The following YPEL2 variants were observed in gnomAD, a reference collection of about 807,000 sequenced individuals.
YPEL2 encodes the protein yippee like 2, also known as protein yippee-like 2.
A neutral mutation model predicts 19.1 loss-of-function variants in YPEL2; 2 were observed. The observed-to-expected ratio is 0.10, with a 90% CI of 0.04 to 0.33. The LOEUF is 0.33. YPEL2 is among the 10% of genes least tolerant of loss of function. The pLI is 1.00. For synonymous variants in YPEL2, 52 were observed against 50.0 expected (o/e 1.04, Z -0.17); for missense variants, 66 against 140.7 (o/e 0.47, Z 2.68).
chr17:59,333,903 C>T (rs2047684982), intron 1 of YPEL2, among the ~76,000 whole-genome samples: 1 of 152,174 alleles, frequency 6.6e-6, no homozygotes, highest in Admixed American at 6.5e-5. Flanking sequence ...GAACTGGAGG[C>T]AGTGAACAAT....
chr17:59,355,513 C>T lies in YPEL2; in HGVS notation c.117+1987C>T, dbSNP rs139680792. 9 of 152,326 alleles carry T rather than the reference C, an allele frequency of 5.9e-5. No homozygotes were observed. In the East Asian group the frequency reaches 1.7e-3, roughly 29 times the overall value. 9.4% of individuals were successfully genotyped at this position (152,326 alleles called of 1,614,324 possible). On this transcript the variant is annotated intron_variant, in intron 2 of 4. Transcript: ENST00000312655. ...AGCCACTTGGAACCAAGCCACATCGCCTGAATATGCAGGTATGGGTGTTTC... is the reference window on the plus strand; with the variant it reads ...AGCCACTTGGAACCAAGCCACATCGTCTGAATATGCAGGTATGGGTGTTTC...
Position 59,400,100 on chromosome 17 carries a change from G to A in YPEL2, c.*2910G>A, listed in dbSNP as rs1268198274. ...TAGACCCAGACCCCTCGGGACCCGG[G>A]ACATTAGTCTCAGGCTGCTGATGGA... is the stretch of plus-strand genomic sequence containing the variant. On this transcript the variant is annotated 3_prime_UTR_variant, in exon 5 of 5. Transcript: ENST00000312655. 6.6e-6 allele frequency: 1 copy of A among 152,602 alleles called. No individual in the cohort carries two copies. The highest frequency in any genetic ancestry group is 1.5e-5 in the Non-Finnish European group (1 of 68,086). The allele number at this position is 152,602 out of a possible 1,614,324, so 9.5% of individuals were successfully genotyped here. A position where few individuals can be genotyped will look rare whatever the true frequency, so the allele number is the denominator to read the frequency against.
At chr17:59,354,703 C>G (rs1485448170) in intron 2 of YPEL2, 1 of 152,240 alleles carries the variant, frequency 6.6e-6, no homozygotes, top group Non-Finnish European at 1.5e-5. Context: ...GAGCTTGAAG[C>G]GTACAGCCCC....
chr17:59,345,456 C>T (rs1277570711), intron 1 of YPEL2, among the ~76,000 whole-genome samples: 1 of 152,096 alleles, frequency 6.6e-6, no homozygotes, highest in African/African-American at 2.4e-5. Context: ...TCCTTGGCAG[C>T]TTTAATAGAC....
At chr17:59,395,806 C>T (rs1478356216) in intron 4 of YPEL2, among the ~76,000 whole-genome samples, 3 of 152,156 alleles carry the variant, frequency 2.0e-5, no homozygotes, top group African/African-American at 4.8e-5. Context: ...CGTCCGGGCG[C>T]GGTGGCTCAC....
chr17:59,373,355 T>C (rs1371522337), intron 2 of YPEL2, among the ~76,000 whole-genome samples: 3 of 152,178 alleles, frequency 2.0e-5, no homozygotes, highest in Non-Finnish European at 4.4e-5. Context: ...TTCTGCTGGC[T>C]TTCAAGGCCT....
rs538251007 is a variant in YPEL2, at chr17:59,353,595, G to A, written c.117+69G>A. 2.2e-5 allele frequency: 26 copies of A among 1,157,448 alleles called. No individual in the cohort carries two copies. The South Asian group carries it at 2.8e-4, about 13-fold the overall frequency. 71.7% of individuals were successfully genotyped at this position (1,157,448 alleles called of 1,614,324 possible). ...CGCTTAGTGCTCCTGAAGTTGCAGA[G>A]GTTTACAAGCTCTCAAGAATATTTG... is the stretch of plus-strand genomic sequence containing the variant. On this transcript the variant is annotated intron_variant, in intron 2 of 4. Coordinates refer to ENST00000312655, the MANE Select transcript of YPEL2 (RefSeq NM_001005404.4). The surrounding 1 kb of genome is among the most constrained non-coding windows in gnomAD (Gnocchi z 4.8).
intron 2 of YPEL2, among the ~76,000 whole-genome samples, chr17:59,378,021 C>T (rs919387422): frequency 6.6e-6 from 1 of 152,142 alleles, no homozygotes; most frequent in Non-Finnish European, 1.5e-5. Flanking sequence ...TGTAGAGAAC[C>T]CTGAGGCTCG....
chr17:59,401,161 CTTTTT>C lies in YPEL2; in HGVS notation c.*3978_*3982del, dbSNP rs34573461. ...ATACACATATCTTAGTGGTAAACAG[CTTTTT>C]TTTTTTAAGGTCAGATTGCCTCAGG... is the stretch of plus-strand genomic sequence containing the variant. On this transcript the variant is annotated 3_prime_UTR_variant, in exon 5 of 5. Transcript: ENST00000312655. 1 of 145,242 alleles carries C rather than the reference CTTTTT, an allele frequency of 6.9e-6. No homozygotes were observed. The highest frequency in any genetic ancestry group is 2.5e-5 in the African/African-American group (1 of 39,830). 9.0% of individuals were successfully genotyped at this position (145,242 alleles called of 1,614,324 possible). A position where few individuals can be genotyped will look rare whatever the true frequency, so the allele number is the denominator to read the frequency against.
chr17:59,377,825 T>C (rs1445770823), intron 2 of YPEL2, among the ~76,000 whole-genome samples: 1 of 152,206 alleles, frequency 6.6e-6, no homozygotes, highest in Non-Finnish European at 1.5e-5. Flanking sequence ...AGCCTGGCCC[T>C]TCCAGACTAG....
intron 1 of YPEL2, among the ~76,000 whole-genome samples, chr17:59,332,761 C>T (rs1303086083): frequency 6.6e-6 from 1 of 152,204 alleles, no homozygotes; most frequent in African/African-American, 2.4e-5. Flanking sequence ...GAGCTGCACC[C>T]TCGCCCGCCC....
rs1326674883 is a variant in YPEL2 at position 59,398,313 on chromosome 17, T to TA, written c.*1124dup. 2 of 152,208 alleles carry TA rather than the reference T, an allele frequency of 1.3e-5. No homozygotes were observed. The highest frequency in any genetic ancestry group is 2.9e-5 in the Non-Finnish European group (2 of 68,070). The allele number at this position is 152,208 out of a possible 1,614,324, so 9.4% of individuals were successfully genotyped here. A position where few individuals can be genotyped will look rare whatever the true frequency, so the allele number is the denominator to read the frequency against. On this transcript the variant is annotated 3_prime_UTR_variant, in exon 5 of 5. Transcript: ENST00000312655. ...CGTGGGATCGTCAATTTCTTGTTCT[T>TA]AGAGTTTCGGGTGTTTTTCTCCAGT...
rs1303373410 is a variant in YPEL2, at chr17:59,398,768, A to AATTTT, written c.*1578_*1579insATTTT. 1 of 152,174 alleles carries AATTTT rather than the reference A, an allele frequency of 6.6e-6. No individual in the cohort carries two copies. The highest frequency in any genetic ancestry group is 2.4e-5 in the African/African-American group (1 of 41,436). The allele number at this position is 152,174 out of a possible 1,614,324, so 9.4% of individuals were successfully genotyped here. ...CTCAGCATCTCCTCCAAGTAGGCCG[A>AATTTT]CCTTCTCGGAAAATTCACCCTAAAA... On this transcript the variant is annotated 3_prime_UTR_variant, in exon 5 of 5. Coordinates refer to ENST00000312655, the MANE Select transcript of YPEL2 (RefSeq NM_001005404.4).
chr17:59,369,864 A>G (rs768217218), intron 2 of YPEL2, among the ~76,000 whole-genome samples: 2 of 152,198 alleles, frequency 1.3e-5, no homozygotes, highest in African/African-American at 2.4e-5. Flanking sequence ...AACAATAGCC[A>G]TCATTTTACT....
At position 59,389,073 on chromosome 17, in the gene YPEL2, G is replaced by A. The variant is rs536361574; in HGVS notation, c.162-287G>A. On this transcript the variant is annotated intron_variant, in intron 3 of 4. Transcript: ENST00000312655. Reference sequence around the variant, plus strand: ...TGTGGCTGTCAGCTTGTCCCCCTAAGTCACAGATTTAAAGTATTTGTTAGA... The same window carrying A: ...TGTGGCTGTCAGCTTGTCCCCCTAAATCACAGATTTAAAGTATTTGTTAGA... 111 of 413,358 alleles carry A rather than the reference G, an allele frequency of 2.7e-4. No individual in the cohort carries two copies. In the South Asian group the frequency reaches 2.9e-3, roughly 11 times the overall value. The allele number at this position is 413,358 out of a possible 1,614,324, so 25.6% of individuals were successfully genotyped here. A position where few individuals can be genotyped will look rare whatever the true frequency, so the allele number is the denominator to read the frequency against.
At chr17:59,385,308 A>G (rs1167402301) in intron 2 of YPEL2, among the ~76,000 whole-genome samples, 1 of 152,242 alleles carries the variant, frequency 6.6e-6, no homozygotes, top group Non-Finnish European at 1.5e-5. Flanking sequence ...AGTGACTCAC[A>G]TCTGTAATCC....
intron 2 of YPEL2, among the ~76,000 whole-genome samples, chr17:59,385,651 AG>A (rs1691285053): frequency 6.6e-6 from 1 of 152,164 alleles, no homozygotes; most frequent in African/African-American, 2.4e-5. Context: ...AAGTGGTAAG[AG>A]GATGAGGAGG....
At chr17:59,348,887 TA>T (rs765598418) in intron 1 of YPEL2, among the ~76,000 whole-genome samples, 3 of 151,466 alleles carry the variant, frequency 2.0e-5, no homozygotes, top group East Asian at 1.9e-4. Context: ...TTTCTTCCTT[TA>T]AAAAAAAATC....
intron 2 of YPEL2, among the ~76,000 whole-genome samples, chr17:59,381,917 C>A (rs1174302057): frequency 1.3e-5 from 2 of 152,204 alleles, no homozygotes; most frequent in Admixed American, 6.5e-5. Context: ...TCCTTAACTT[C>A]CTTTCAGTCT....
Sources: gnomAD v4.1 joint callset for allele counts (sites outside exome capture counted in the v4.1 genomes callset) on GRCh38, gnomAD v4.1.1 for gene constraint, Gnocchi (gnomAD v3.1) non-coding constraint, MANE v1.5 for transcripts, NCBI Gene and HGNC (gene_info 2026-07-23, HGNC 2026-07-21) for gene names.